Variants in CEP104 observed in about 807,000 individuals in gnomAD.
CEP104 encodes the protein centrosomal protein 104, also known as centrosomal protein of 104 kDa.
CEP104 carries 84 observed loss-of-function variants against 113.3 expected under a neutral mutation model. The ratio of observed to expected loss-of-function variants is 0.74; its 90% confidence interval spans 0.62 to 0.89. The LOEUF (loss-of-function observed/expected upper bound fraction) is 0.89. Among genes scored for constraint, CEP104 ranks in the 40% least tolerant of loss-of-function variants. The pLI, the probability that CEP104 is intolerant of heterozygous loss-of-function variation, is 0.00. For missense variants in CEP104, 1,053 were observed against 1,156.6 expected, an observed-to-expected ratio of 0.91 and a Z score of 1.30; for synonymous variants, 378 against 421.7, an observed-to-expected ratio of 0.90 and a Z score of 1.27.
At chr1:3,833,386 T>C (rs1644253295) in intron 12 of CEP104, among the ~76,000 whole-genome samples, 1 of 152,214 alleles carries the variant, frequency 6.6e-6, no homozygotes, top group South Asian at 2.1e-4. Flanking sequence ...TAAGAACTCC[T>C]AGACTAGATG....
rs2275834 is a variant in CEP104, at chr1:3,826,545, A to G, written c.2189-109T>C. On this transcript the variant is annotated intron_variant, in intron 16 of 21. Coordinates refer to ENST00000378230, the MANE Select transcript of CEP104 (RefSeq NM_014704.4). ...ACGATTATACAAGTAAAAAGGTAGCATGTTTTCCATTCAGCTGGGAGATGG... is the reference window on the plus strand; with the variant it reads ...ACGATTATACAAGTAAAAAGGTAGCGTGTTTTCCATTCAGCTGGGAGATGG... The G allele has an allele frequency of 0.6, 778,004 of 1,302,320 alleles. 237,865 individuals carry two copies. The highest frequency in any genetic ancestry group is 0.89 in the African/African-American group (60,887 of 68,070). The allele number at this position is 1,302,320 out of a possible 1,614,324, so 80.7% of individuals were successfully genotyped here.
intron 15 of CEP104, among the ~76,000 whole-genome samples, chr1:3,828,163 C>T (rs535479183): frequency 2.6e-5 from 4 of 152,296 alleles, no homozygotes; most frequent in East Asian, 3.9e-4. Flanking sequence ...GGGAGGCAGG[C>T]GCCTGGCAAT....
rs1644018012 is a variant in CEP104 at position 3,823,380 on chromosome 1, C to A, written c.2503+44G>T. On this transcript the variant is annotated intron_variant, in intron 19 of 21. Transcript: ENST00000378230. This position sits in a 1 kb window ranked among gnomAD's most constrained non-coding sequence, Gnocchi z 4.1. ...GCAGTGGCACTTCCTCCAAGAGGACCCCTGGTGACCCGAGGGCACGGGAGC... is the reference window on the plus strand; with the variant it reads ...GCAGTGGCACTTCCTCCAAGAGGACACCTGGTGACCCGAGGGCACGGGAGC... 1 of 1,613,998 alleles carries A rather than the reference C, an allele frequency of 6.2e-7. No homozygotes were observed. The highest frequency in any genetic ancestry group is 8.5e-7 in the Non-Finnish European group (1 of 1,179,874).
intron 20 of CEP104, among the ~76,000 whole-genome samples, chr1:3,821,701 C>T (rs928077409): frequency 2.0e-5 from 3 of 152,144 alleles, no homozygotes; most frequent in African/African-American, 4.8e-5. Context: ...CTGATGAGGC[C>T]CAGAGATCCC....
At chr1:3,817,482 T>C (rs1643897320) in intron 20 of CEP104, among the ~76,000 whole-genome samples, 1 of 152,164 alleles carries the variant, frequency 6.6e-6, no homozygotes, top group Non-Finnish European at 1.5e-5. Flanking sequence ...TCTGGCCACC[T>C]GCGGCAGCCC....
At position 3,856,962 on chromosome 1, in the gene CEP104, CGCGGCCCGGGGAGGCGGCCAG is replaced by C. The variant is rs1644748075; in HGVS notation, c.-109_-89del. 1 of 151,968 alleles carries C rather than the reference CGCGGCCCGGGGAGGCGGCCAG, an allele frequency of 6.6e-6. No homozygotes were observed. The highest frequency in any genetic ancestry group is 1.5e-5 in the Non-Finnish European group (1 of 67,992). The allele number at this position is 151,968 out of a possible 1,614,324, so 9.4% of individuals were successfully genotyped here. ...GAGGGCGGCTGGGTCGGAGCGGTGC[CGCGGCCCGGGGAGGCGGCCAG>C]GCGGCGCCTCAGCACCCGGACCCCA... On this transcript the variant is annotated 5_prime_UTR_variant, in exon 1 of 22. Transcript: ENST00000378230.
At chr1:3,841,251 G>A in intron 6 of CEP104, among the ~76,000 whole-genome samples, 1 of 152,022 alleles carries the variant, frequency 6.6e-6, no homozygotes, top group East Asian at 1.9e-4. Flanking sequence ...ATTCAAGTGG[G>A]GCATAGGAAT....
intron 7 of CEP104, 53 bp downstream of exon 7, chr1:3,839,555 C>CG: frequency 6.7e-7 from 1 of 1,489,878 alleles, no homozygotes; most frequent in Middle Eastern, 1.8e-4. Context: ...TCTAAGTATA[C>CG]ATAAAACCTA....
intron 1 of CEP104, chr1:3,855,937 T>G: frequency 1.0e-6 from 1 of 985,342 alleles, no homozygotes; most frequent in Non-Finnish European, 1.2e-6. Flanking sequence ...AATGCCAGAG[T>G]ACATCTCTCC....
rs781191434 is a variant in CEP104, at chr1:3,815,518, C to T, written c.2663-1G>A. On this transcript the variant is annotated splice_acceptor_variant, in intron 21 of 21. Coordinates refer to ENST00000378230, the MANE Select transcript of CEP104 (RefSeq NM_014704.4). LOFTEE classifies it high-confidence loss of function. ...GATGCGGCCACAGCTGAGCTTTTCCCTGCAGAGCAAGCACAGGACCTGCAT... is the reference window on the plus strand; with the variant it reads ...GATGCGGCCACAGCTGAGCTTTTCCTTGCAGAGCAAGCACAGGACCTGCAT... 2 of 1,592,382 alleles carry T rather than the reference C, an allele frequency of 1.3e-6. No individual in the cohort carries two copies. Among genetic ancestry groups the T allele is most frequent in the Non-Finnish European group, 1.7e-6 (2 of 1,168,982 alleles).
At chr1:3,836,355 C>A (rs1644310523) in intron 10 of CEP104, 140 bp downstream of exon 10, 12 of 794,112 alleles carry the variant, frequency 1.5e-5, no homozygotes, top group South Asian at 4.4e-5. Flanking sequence ...TCAGGAAGAA[C>A]AAAGGGAAGT....
At chr1:3,848,820 C>CT in intron 2 of CEP104, 39 bp from the exon 3 acceptor site, 1 of 1,555,664 alleles carries the variant, frequency 6.4e-7, no homozygotes, top group Non-Finnish European at 8.8e-7. Context: ...TGAACAACTT[C>CT]TGCAGAGGGT....
At position 3,829,875 on chromosome 1, in the gene CEP104, G is replaced by C; in HGVS notation, c.1959C>G (p.Ser653Arg). The change falls in exon 14 of 22, where the codon AGC (serine) becomes AGG (arginine). Residue 653 changes from serine to arginine, a missense_variant. Physicochemically the swap from Ser to Arg is moderately radical, Grantham distance 110. Coordinates refer to ENST00000378230, the MANE Select transcript of CEP104 (RefSeq NM_014704.4). ...SILEYLPPDDSNTRRNILYKT... is the reference protein window; with the variant it reads ...SILEYLPPDDRNTRRNILYKT... The stretch of plus-strand genomic sequence containing the variant: ...TGTAGAGAATGTTCCTGCGTGTGTT[G>C]CTGTCGTCTGGAGGAAGGTACTCCA... The C allele has an allele frequency of 6.2e-7, 1 of 1,614,116 alleles. No homozygotes were observed. The highest frequency in any genetic ancestry group is 8.5e-7 in the Non-Finnish European group (1 of 1,180,028).
intron 6 of CEP104, chr1:3,843,365 A>C (rs1201009757): frequency 1.4e-5 from 7 of 512,616 alleles, no homozygotes; most frequent in Non-Finnish European, 2.5e-5. Flanking sequence ...AGCAGCAGAA[A>C]AATATGTATA....
intron 2 of CEP104, among the ~76,000 whole-genome samples, chr1:3,850,546 T>C (rs1644591520): frequency 6.6e-6 from 1 of 152,156 alleles, no homozygotes; most frequent in Non-Finnish European, 1.5e-5. Flanking sequence ...GCCCCGTCAG[T>C]GTCTCTCCTG....
chr1:3,844,885 T>C, intron 6 of CEP104, 22 bp downstream of exon 6: 1 of 1,596,334 alleles, frequency 6.3e-7, no homozygotes, highest in Non-Finnish European at 8.6e-7. Context: ...AGAAGTTCAT[T>C]GATGGGGAGC....
At chr1:3,854,646 T>TC (rs1176046952) in intron 1 of CEP104, among the ~76,000 whole-genome samples, 2 of 150,928 alleles carry the variant, frequency 1.3e-5, no homozygotes, top group Non-Finnish European at 1.5e-5. Context: ...TTTTTTTTTT[T>TC]TTTTTTTTTT....
intron 5 of CEP104, 72 bp downstream of exon 5, chr1:3,845,217 G>C: frequency 9.3e-7 from 1 of 1,077,598 alleles, no homozygotes; most frequent in Non-Finnish European, 1.4e-6. Flanking sequence ...ACATTTTTTG[G>C]GTGAAAATAA....
At chr1:3,816,231 C>A in intron 21 of CEP104, 49 bp downstream of exon 21, 1 of 1,485,762 alleles carries the variant, frequency 6.7e-7, no homozygotes, top group Non-Finnish European at 9.1e-7. Context: ...TTGAATAAGT[C>A]AAAATGGAGG....
Sources: allele counts gnomAD v4.1 joint callset (sites outside exome capture counted in the v4.1 genomes callset), GRCh38; gene constraint gnomAD v4.1.1; non-coding constraint Gnocchi (gnomAD v3.1); transcripts MANE v1.5; gene names NCBI Gene and HGNC (gene_info 2026-07-23, HGNC 2026-07-21).